The following ZNF44 variants were observed in gnomAD, a reference collection of about 807,000 sequenced individuals.
ZNF44 encodes gonadotropin inducible transcription repressor-2.
A neutral mutation model predicts 11.7 loss-of-function variants in ZNF44; 9 were observed. That is an observed-to-expected ratio of 0.77 (90% CI 0.46 to 1.35). The LOEUF is 1.35. Ranked by LOEUF, ZNF44 falls within the 40% of genes most tolerant of loss-of-function variation. ZNF44 has a pLI of 0.00. For synonymous variants in ZNF44, 224 were observed against 242.7 expected (o/e 0.92, Z 0.72); for missense variants, 696 against 743.1 (o/e 0.94, Z 0.74).
intron 7 of ZNF44, among the ~76,000 whole-genome samples, chr19:12,249,289 A>G (rs1276719251): frequency 2.6e-5 from 4 of 151,350 alleles, no homozygotes; most frequent in Non-Finnish European, 4.4e-5. Context: ...GCGGATCACA[A>G]GGTCAGGAGA....
At chr19:12,265,878 C>G (rs1318070797) in intron 5 of ZNF44, among the ~76,000 whole-genome samples, 1 of 152,226 alleles carries the variant, frequency 6.6e-6, no homozygotes, top group Non-Finnish European at 1.5e-5. Flanking sequence ...TATAACAAAA[C>G]CTATTTGTTT....
At chr19:12,232,954 G>T (rs1396895297) in intron 2 of ZNF44, among the ~76,000 whole-genome samples, 1 of 151,616 alleles carries the variant, frequency 6.6e-6, no homozygotes, top group South Asian at 2.1e-4. Context: ...TTATGAAGAA[G>T]AAATTGACAG....
exon 8 of ZNF44, chr19:12,248,614 G>A: frequency 7.7e-7 from 1 of 1,302,814 alleles, no homozygotes; most frequent in Non-Finnish European, 1.0e-6. Flanking sequence ...TTTGCAATCT[G>A]GCTGAAACCT....
At chr19:12,230,254 C>T (rs897745460) in intron 3 of ZNF44, among the ~76,000 whole-genome samples, 8 of 152,118 alleles carry the variant, frequency 5.3e-5, no homozygotes, top group East Asian at 3.9e-4. Flanking sequence ...AAGAAGAAGC[C>T]GAGGGTGTCT....
intron 3 of ZNF44, chr19:12,230,355 C>G (rs937473539): frequency 6.6e-6 from 1 of 152,176 alleles, no homozygotes; most frequent in Non-Finnish European, 1.5e-5. Context: ...ACTGGGCATC[C>G]CCAAGATTTC....
In ZNF44 at chr19:12,233,789, C is replaced by T. The variant is rs142554037; in HGVS notation, n.380+878G>A. 9.9e-5 allele frequency among the ~76,000 whole-genome samples: 15 copies of T among 152,110 alleles called. No individual in the cohort carries two copies. The East Asian group carries it at 1.7e-3, about 18-fold the overall frequency. Reference sequence around the variant, plus strand: ...GTAAAAAATGACAAGCCTGGCTGGGCGCAGTGGCTCACACCTGTAATCCCA... The same window carrying T: ...GTAAAAAATGACAAGCCTGGCTGGGTGCAGTGGCTCACACCTGTAATCCCA... On this transcript the variant is annotated intron_variant and non_coding_transcript_variant, in intron 2 of 3. Transcript: ENST00000597563.
rs1161890103 is a variant in ZNF44, at chr19:12,273,662, T to G, written c.593A>C (p.Lys198Thr). 1 of 1,614,080 alleles carries G rather than the reference T, an allele frequency of 6.2e-7. No homozygotes were observed. Among genetic ancestry groups the G allele is most frequent in the East Asian group, 2.2e-5 (1 of 44,884 alleles). ...AAAGGCTTTCCCACACAATTCACAT[T>G]TATAAGGTCCATCTCCACCTTTTAC... is the stretch of plus-strand genomic sequence containing the variant. ...MVVKGGDGPY[K>T]CELCGKAFFW... Residue 198 changes from lysine (K) to threonine (T), a missense_variant, in exon 4 of 4, where the codon AAA (lysine) becomes ACA (threonine). Lys to Thr is a moderately conservative substitution (Grantham distance 78, BLOSUM62 -1). Coordinates refer to ENST00000355684, the MANE Select transcript of ZNF44 (RefSeq NM_016264.4).
intron 1 of ZNF44, among the ~76,000 whole-genome samples, chr19:12,293,872 G>C (rs1968122133): frequency 6.6e-6 from 1 of 152,026 alleles, no homozygotes; most frequent in Non-Finnish European, 1.5e-5. Flanking sequence ...AGTCTGGTTT[G>C]TGCCTAGTGA....
chr19:12,246,789 G>C (rs1463615738), downstream of ZNF44, among the ~76,000 whole-genome samples: 1 of 152,112 alleles, frequency 6.6e-6, no homozygotes, highest in East Asian at 1.9e-4. Flanking sequence ...TGCTCAGGAA[G>C]CTGAGGTGGG....
intron 2 of ZNF44, among the ~76,000 whole-genome samples, chr19:12,233,719 C>T (rs1000912853): frequency 6.6e-6 from 1 of 152,148 alleles, no homozygotes; most frequent in African/African-American, 2.4e-5. Flanking sequence ...GGTTTCTCCA[C>T]ACCAACTACC....
chr19:12,291,269 A>G (rs1314504150), intron 1 of ZNF44: 1 of 455,020 alleles, frequency 2.2e-6, no homozygotes, highest in Non-Finnish European at 4.4e-6. Flanking sequence ...AAGAGAAACT[A>G]AAGTTTTGAT....
intron 5 of ZNF44, among the ~76,000 whole-genome samples, chr19:12,265,999 T>C (rs1006363783): frequency 6.6e-6 from 1 of 152,108 alleles, no homozygotes; most frequent in Non-Finnish European, 1.5e-5. Context: ...CCGCACAATC[T>C]GGGGGAGACG....
chr19:12,256,705 T>TC (rs1568432067), intron 5 of ZNF44, among the ~76,000 whole-genome samples: 1 of 145,956 alleles, frequency 6.9e-6, no homozygotes, highest in African/African-American at 2.5e-5. Context: ...CTCTTTTTTT[T>TC]TTTTTTTTTT....
exon 8 of ZNF44, chr19:12,247,900 C>A: frequency 7.5e-7 from 1 of 1,333,966 alleles, no homozygotes; most frequent in East Asian, 4.8e-5. Flanking sequence ...TGTTTTTGAG[C>A]AGTACAGTGG....
chr19:12,244,346 CAT>C (rs199560707), downstream of ZNF44, among the ~76,000 whole-genome samples: 261 of 152,280 alleles, frequency 1.7e-3, no homozygotes, highest in African/African-American at 5.2e-3. Context: ...GACTTTGAAA[CAT>C]ATACAACTTG....
Position 12,266,434 on chromosome 19 carries a change from C to A in ZNF44, c.1912+6053G>T, listed in dbSNP as rs929539858. The stretch of plus-strand genomic sequence containing the variant: ...AGGCGAGAGGGAAAAAAAACCCAAA[C>A]CCACGGGCTTTAGCGCGTCGCCCCG... On this transcript the variant is annotated intron_variant and NMD_transcript_variant, in intron 5 of 7. Coordinates refer to the ZNF44 transcript ENST00000393337. 28 of 718,540 alleles carry A rather than the reference C, an allele frequency of 3.9e-5. No individual in the cohort carries two copies. In the Admixed American group the frequency reaches 4.4e-4, roughly 11 times the overall value. The allele number at this position is 718,540 out of a possible 1,614,324, so 44.5% of individuals were successfully genotyped here. A position where few individuals can be genotyped will look rare whatever the true frequency, so the allele number is the denominator to read the frequency against.
intron 5 of ZNF44, among the ~76,000 whole-genome samples, chr19:12,263,341 C>T (rs1568435527): frequency 1.3e-5 from 2 of 152,102 alleles, no homozygotes; most frequent in South Asian, 4.1e-4. Context: ...CCGCCTCAGC[C>T]TCCCAAAGTG....
chr19:12,256,990 G>A (rs996845424), intron 5 of ZNF44, among the ~76,000 whole-genome samples: 1 of 152,154 alleles, frequency 6.6e-6, no homozygotes, highest in Non-Finnish European at 1.5e-5. Flanking sequence ...TTACAGGCAT[G>A]AGCCACTGCT....
At chr19:12,279,167 T>G (rs1427503229) in intron 1 of ZNF44, among the ~76,000 whole-genome samples, 1 of 152,208 alleles carries the variant, frequency 6.6e-6, no homozygotes, top group East Asian at 1.9e-4. Flanking sequence ...GAACAGAGAC[T>G]TCAGTGTTTA....
Sources: allele counts gnomAD v4.1 joint callset (sites outside exome capture counted in the v4.1 genomes callset), GRCh38; gene constraint gnomAD v4.1.1; transcripts MANE v1.5; gene names NCBI Gene and HGNC (gene_info 2026-07-23, HGNC 2026-07-21).